Variants in SMYD3 observed in about 807,000 individuals in gnomAD.
SMYD3 encodes histone-lysine N-methyltransferase SMYD3.
SMYD3 carries 36 observed loss-of-function variants against 57.7 expected under a neutral mutation model. That is an observed-to-expected ratio of 0.62 (90% CI 0.48 to 0.82). The LOEUF (loss-of-function observed/expected upper bound fraction) is 0.82, where lower values mean the gene tolerates loss of function less well. Ranked by LOEUF, SMYD3 falls within the 40% of genes least tolerant of loss-of-function variation. The pLI is 0.00. For missense variants in SMYD3, 515 were observed against 538.8 expected, an observed-to-expected ratio of 0.96 and a Z score of 0.44; for synonymous variants, 211 against 195.0, an observed-to-expected ratio of 1.08 and a Z score of -0.68.
chr1:246,348,802 T>TA (rs964200089), intron 2 of SMYD3, among the ~76,000 whole-genome samples: 3 of 151,102 alleles, frequency 2.0e-5, no homozygotes, highest in African/African-American at 7.3e-5. Flanking sequence ...AAATAAATTT[T>TA]TTTCTTTATA....
chr1:246,397,956 A>G (rs544378248), intron 1 of SMYD3, among the ~76,000 whole-genome samples: 1 of 147,800 alleles, frequency 6.8e-6, no homozygotes, highest in Non-Finnish European at 1.5e-5. Flanking sequence ...AGGGGAGGGG[A>G]GGGGAGAAAG....
chr1:245,876,483 C>T lies in SMYD3; in HGVS notation c.814-12597G>A, dbSNP rs143463686. Among the ~76,000 whole-genome samples, 277 of 152,324 alleles carry T rather than the reference C, an allele frequency of 1.8e-3. 1 individual carries two copies. The highest frequency in any genetic ancestry group is 6.2e-3 in the African/African-American group (256 of 41,570). Reference sequence around the variant, plus strand: ...TCTCTGCGATCATGCTGTCACTCTTCGTGCCGACATGGTTAAGACTTGCTG... The same window carrying T: ...TCTCTGCGATCATGCTGTCACTCTTTGTGCCGACATGGTTAAGACTTGCTG... On this transcript the variant is annotated intron_variant, in intron 8 of 11. Transcript: ENST00000490107.
intron 1 of SMYD3, among the ~76,000 whole-genome samples, chr1:246,399,674 A>C (rs531171119): frequency 1.3e-5 from 2 of 152,312 alleles, no homozygotes; most frequent in East Asian, 3.9e-4. Context: ...TATTTTAAAA[A>C]GTACTGTGAA....
chr1:246,065,865 T>C lies in SMYD3; in HGVS notation c.532-135928A>G, dbSNP rs150917325. On this transcript the variant is annotated intron_variant, in intron 5 of 11. Transcript: ENST00000490107. ...AAAGTCCTTGCTGTCAAGGAACTTATAGCCACGTAGAGTTCACTCTTTTTG... is the reference window on the plus strand; with the variant it reads ...AAAGTCCTTGCTGTCAAGGAACTTACAGCCACGTAGAGTTCACTCTTTTTG... Among the ~76,000 whole-genome samples, 297 of 152,344 alleles carry C rather than the reference T, an allele frequency of 1.9e-3. 5 individuals are homozygous for C. The East Asian group carries it at 0.026, about 13-fold the overall frequency.
chr1:245,848,103 C>CTTTTTTT (rs35906120), intron 10 of SMYD3, among the ~76,000 whole-genome samples: 2 of 147,902 alleles, frequency 1.4e-5, no homozygotes, highest in African/African-American at 5.0e-5. Context: ...GAGATAAAGT[C>CTTTTTTT]TTTTTTTTTT....
At chr1:246,007,025 G>C (rs531633157) in intron 5 of SMYD3, among the ~76,000 whole-genome samples, 6 of 152,166 alleles carry the variant, frequency 3.9e-5, no homozygotes, top group African/African-American at 1.4e-4. Context: ...GCTGCTGAGA[G>C]GGGCTTCCTC....
intron 5 of SMYD3, among the ~76,000 whole-genome samples, chr1:246,078,380 C>G (rs2060581594): frequency 6.6e-6 from 1 of 152,098 alleles, no homozygotes; most frequent in African/African-American, 2.4e-5. Context: ...AATCCCCAAC[C>G]AGGCCACTTT....
intron 5 of SMYD3, among the ~76,000 whole-genome samples, chr1:246,251,455 G>GCGCCCGGC (rs1268343937): frequency 3.3e-4 from 50 of 150,400 alleles, no homozygotes; most frequent in African/African-American, 1.1e-3. Flanking sequence ...CTCGGACACT[G>GCGCCCGGC]TGCCCGGCTT....
intron 1 of SMYD3, among the ~76,000 whole-genome samples, chr1:246,411,374 G>A (rs1010165004): frequency 2.6e-5 from 4 of 152,206 alleles, no homozygotes; most frequent in Admixed American, 2.6e-4. Context: ...TACACTGTTG[G>A]TGGGACTGTA....
At position 246,078,619 on chromosome 1, in the gene SMYD3, T is replaced by C. The variant is rs538316061; in HGVS notation, c.532-148682A>G. Reference sequence around the variant, plus strand: ...GAAGAATAGTTCAATTCACTTTCTGTAGAAGTGACTGAAGGAAGGGTACTT... The same window carrying C: ...GAAGAATAGTTCAATTCACTTTCTGCAGAAGTGACTGAAGGAAGGGTACTT... On this transcript the variant is annotated intron_variant, in intron 5 of 11. Transcript: ENST00000490107. 5.0e-4 allele frequency among the ~76,000 whole-genome samples: 76 copies of C among 152,296 alleles called. 1 individual carries two copies. Among genetic ancestry groups the C allele is most frequent in the Admixed American group, 3.2e-3 (49 of 15,296 alleles).
At chr1:245,989,221 T>C in intron 5 of SMYD3, among the ~76,000 whole-genome samples, 1 of 152,220 alleles carries the variant, frequency 6.6e-6, no homozygotes, top group East Asian at 1.9e-4. Flanking sequence ...CTTTCTCTTC[T>C]TAAGAAATCC....
At chr1:246,325,830 A>T (rs958014492) in intron 5 of SMYD3, 4 of 152,250 alleles carry the variant, frequency 2.6e-5, no homozygotes, top group Admixed American at 2.6e-4. Context: ...CATAAGGTAT[A>T]TTTTTATCTT....
intron 10 of SMYD3, among the ~76,000 whole-genome samples, chr1:245,843,564 GTGTGTGTGTGTGTGTA>G (rs1272561942): frequency 4.0e-5 from 6 of 150,100 alleles, no homozygotes; most frequent in African/African-American, 1.5e-4. Flanking sequence ...GTGTGTGTGT[GTGTGTGTGTGTGTGTA>G]TGTGCATATA....
At chr1:246,358,729 G>T (rs1015650618) in intron 1 of SMYD3, among the ~76,000 whole-genome samples, 22 of 152,152 alleles carry the variant, frequency 1.4e-4, no homozygotes, top group African/African-American at 5.3e-4. Flanking sequence ...GGTCAACAAT[G>T]AAATCAAGAT....
chr1:245,859,058 A>G (rs995930092), intron 9 of SMYD3, among the ~76,000 whole-genome samples: 1 of 152,216 alleles, frequency 6.6e-6, no homozygotes, highest in African/African-American at 2.4e-5. Context: ...GCTTCTGTTT[A>G]AAAACTGTTT....
intron 5 of SMYD3, among the ~76,000 whole-genome samples, chr1:246,308,360 T>C (rs975711195): frequency 6.6e-6 from 1 of 152,148 alleles, no homozygotes; most frequent in Non-Finnish European, 1.5e-5. Flanking sequence ...CCCACTGCTT[T>C]GTTTTGGCCC....
intron 5 of SMYD3, among the ~76,000 whole-genome samples, chr1:246,088,100 G>A (rs1334930505): frequency 6.6e-6 from 1 of 152,122 alleles, no homozygotes; most frequent in Non-Finnish European, 1.5e-5. Flanking sequence ...GAAACCTCCA[G>A]TGTAGACTGT....
intron 1 of SMYD3, among the ~76,000 whole-genome samples, chr1:246,377,670 T>C (rs992178552): frequency 1.3e-5 from 2 of 152,152 alleles, no homozygotes; most frequent in African/African-American, 2.4e-5. Flanking sequence ...TGCCCAACCA[T>C]AATTCTGAAT....
chr1:245,905,811 C>A (rs2054524546), intron 8 of SMYD3, among the ~76,000 whole-genome samples: 1 of 152,172 alleles, frequency 6.6e-6, no homozygotes, highest in Non-Finnish European at 1.5e-5. Context: ...AAACATGGAA[C>A]AATGGAACAC....
Sources: gnomAD v4.1 joint callset for allele counts (sites outside exome capture counted in the v4.1 genomes callset) on GRCh38, gnomAD v4.1.1 for gene constraint, MANE v1.5 for transcripts, NCBI Gene and HGNC (gene_info 2026-07-23, HGNC 2026-07-21) for gene names.